BUB1: variants seen among roughly 807,000 people sequenced by gnomAD.
BUB1 encodes BUB1 mitotic checkpoint serine/threonine kinase.
In BUB1, 84 loss-of-function variants were observed where a neutral mutation model predicts 135.2. That is an observed-to-expected ratio of 0.62 (90% CI 0.52 to 0.74). The LOEUF is 0.74. Ranked by LOEUF, BUB1 falls within the 30% of genes least tolerant of loss-of-function variation. The pLI is 0.00. For missense variants in BUB1, 1,162 were observed against 1,288.3 expected (o/e 0.90, Z 1.50); for synonymous variants, 403 against 434.4 (o/e 0.93, Z 0.90).
chr2:110,650,551 G>C lies in BUB1; in HGVS notation c.2198C>G (p.Ala733Gly), dbSNP rs771803937. The change falls in exon 18 of 25, where the codon GCT becomes GGT. Residue 733 changes from alanine to glycine, a missense_variant. Ala to Gly is a moderately conservative substitution (Grantham distance 60). Transcript: ENST00000302759. ...MQMSSLGTVDAPNFIVGNPWD... is the reference protein window; with the variant it reads ...MQMSSLGTVDGPNFIVGNPWD... ...CAAAGAGTGAGTGTTCGTACTTGGA[G>C]CATCAACAGTCCCAAGTGAACTCAT... 3.1e-6 allele frequency: 5 copies of C among 1,612,734 alleles called. No individual in the cohort carries two copies. In the Middle Eastern group the frequency reaches 8.3e-4, roughly 266 times the overall value.
rs1690360247 is a variant in BUB1 at position 110,669,539 on chromosome 2, G to A, written c.481C>T (p.Pro161Ser). 6.2e-7 allele frequency: 1 copy of A among 1,603,768 alleles called. No homozygotes were observed. The highest frequency in any genetic ancestry group is 1.3e-5 in the African/African-American group (1 of 74,670). The change falls in exon 6 of 25, where the codon CCT (proline) becomes TCT (serine). Residue 161 changes from proline to serine, a missense_variant. Coordinates refer to ENST00000302759, the MANE Select transcript of BUB1 (RefSeq NM_004336.5). ...TTTAAAACCTGAACATTATGCAGAG[G>A]TTCTGAGGTTCTAGCTATGAGGGAA... ...HLPAQARTSEPLHNVQVLNQM... is the reference protein window; with the variant it reads ...HLPAQARTSESLHNVQVLNQM...
At chr2:110,672,231 A>T (rs1385748167) in intron 4 of BUB1, among the ~76,000 whole-genome samples, 1 of 152,176 alleles carries the variant, frequency 6.6e-6, no homozygotes, top group Non-Finnish European at 1.5e-5. Context: ...CATCTCAAAA[A>T]AAAAAAGTAT....
chr2:110,641,313 C>G lies in BUB1; in HGVS notation c.2777G>C (p.Gly926Ala). Residue 926 changes from glycine (G) to alanine (A), a missense_variant, in exon 22 of 25, where the codon GGA (glycine) becomes GCA (alanine). By Grantham distance (60) the Gly-to-Ala change is moderately conservative. Transcript: ENST00000302759. ...GDIKPDNFILGNGFLEQDDED... is the reference protein window; with the variant it reads ...GDIKPDNFILANGFLEQDDED... Reference sequence around the variant, plus strand: ...TTAAAAGCATAACACTTGCCCGTTTCCAAGTATGAAATTGTCTGGTTTAAT... The same window carrying G: ...TTAAAAGCATAACACTTGCCCGTTTGCAAGTATGAAATTGTCTGGTTTAAT... 6.2e-7 allele frequency: 1 copy of G among 1,605,780 alleles called. No individual in the cohort carries two copies. The highest frequency in any genetic ancestry group is 8.5e-7 in the Non-Finnish European group (1 of 1,175,826).
rs753231655 is a variant in BUB1 at position 110,658,647 on chromosome 2, G to A, written c.1372C>T (p.Pro458Ser). Reference protein sequence around the residue: ...MVQATPSKVQPSPTVHTKEAL... With the variant: ...MVQATPSKVQSSPTVHTKEAL... ...TCTTTTGTGTGCACGGTGGGTGATG[G>A]CTGCACTTTGGATGGCGTTGCCTGA... Residue 458 changes from proline to serine, a missense_variant, in exon 12 of 25, where the codon CCA becomes TCA. Physicochemically the swap from Pro to Ser is moderately conservative, Grantham distance 74. Coordinates refer to ENST00000302759, the MANE Select transcript of BUB1 (RefSeq NM_004336.5). 2 of 1,614,184 alleles carry A rather than the reference G, an allele frequency of 1.2e-6. No homozygotes were observed. The highest frequency in any genetic ancestry group is 1.7e-6 in the Non-Finnish European group (2 of 1,180,026).
Position 110,644,082 on chromosome 2 carries a change from T to C in BUB1, c.2348-1848A>G, listed in dbSNP as rs183568094. ...GCAAAAAAAAAAAAAAAAAAAAAAA[T>C]AGAAAGAAATAGATAGAATAGAGTA... On this transcript the variant is annotated intron_variant, in intron 19 of 24. Transcript: ENST00000302759. Among the ~76,000 whole-genome samples, 44 of 54,342 alleles carry C rather than the reference T, an allele frequency of 8.1e-4. No individual in the cohort carries two copies. The East Asian group carries it at 0.017, about 21-fold the overall frequency. The allele number at this position is 54,342 out of a possible 152,430, so 35.7% of individuals were successfully genotyped here.
In BUB1 at chr2:110,641,815, G is replaced by A; in HGVS notation, c.2464-12C>T. 6.3e-7 allele frequency: 1 copy of A among 1,598,906 alleles called. No homozygotes were observed. The highest frequency in any genetic ancestry group is 8.5e-7 in the Non-Finnish European group (1 of 1,178,440). ...GCAGGCTTTTGGACCTGCAAATCAG[G>A]TATGTGAAATTCATATCCAATCTCG... On this transcript the variant is annotated splice_polypyrimidine_tract_variant and intron_variant, in intron 20 of 24. Transcript: ENST00000302759.
intron 4 of BUB1, among the ~76,000 whole-genome samples, chr2:110,671,177 G>A (rs932981841): frequency 5.3e-5 from 8 of 152,120 alleles, no homozygotes; most frequent in Non-Finnish European, 8.8e-5. Flanking sequence ...CAAACCAATG[G>A]TTAAGAAGCC....
chr2:110,676,416 C>G (rs1056029270), intron 1 of BUB1: 2 of 152,214 alleles, frequency 1.3e-5, no homozygotes, highest in Admixed American at 6.5e-5. Context: ...GGCATGTGCT[C>G]AATTCCTGCC....
At chr2:110,649,170 C>CAA in intron 19 of BUB1, 64 bp downstream of exon 19, 1 of 1,508,722 alleles carries the variant, frequency 6.6e-7, no homozygotes. Context: ...CACACACACA[C>CAA]GTTACCATCA....
At chr2:110,661,948 CCT>C (rs1436112361) in intron 9 of BUB1, 107 bp from the exon 10 acceptor site, 1 of 1,364,138 alleles carries the variant, frequency 7.3e-7, no homozygotes, top group East Asian at 2.3e-5. Context: ...TCAATGGATT[CCT>C]TTTTCCTTGA....
At chr2:110,672,892 A>C in intron 3 of BUB1, 35 bp from the exon 4 acceptor site, 1 of 1,519,450 alleles carries the variant, frequency 6.6e-7, no homozygotes, top group Non-Finnish European at 8.8e-7. Flanking sequence ...CATAAGAATA[A>C]TGGAACTGCT....
In BUB1 at chr2:110,660,030, C is replaced by T. The variant is rs1348830001; in HGVS notation, c.1224G>A (p.Val408=). The change falls in exon 11 of 25, where the codon GTG becomes GTA. Residue 408 remains valine (V), a synonymous_variant. Transcript: ENST00000302759. Reference sequence around the variant, plus strand: ...GCTTGAATTCATGAGTACTCTTATTCACACATCTGGAAGAGAAAACTCTTG... The same window carrying T: ...GCTTGAATTCATGAGTACTCTTATTTACACATCTGGAAGAGAAAACTCTTG... ...FAVASKDAGC[V]NKSTHEFKPQ... The T allele has an allele frequency of 3.1e-6, 5 of 1,611,030 alleles. No individual in the cohort carries two copies. Among genetic ancestry groups the T allele is most frequent in the Non-Finnish European group, 4.2e-6 (5 of 1,177,822 alleles).
intron 9 of BUB1, 77 bp from the exon 10 acceptor site, chr2:110,661,918 T>C: frequency 6.6e-7 from 1 of 1,517,140 alleles, no homozygotes; most frequent in South Asian, 1.3e-5. Flanking sequence ...TTACATCTTC[T>C]CAAAGCATGG....
At chr2:110,643,983 A>G (rs564287528) in intron 19 of BUB1, among the ~76,000 whole-genome samples, 3 of 151,628 alleles carry the variant, frequency 2.0e-5, no homozygotes, top group African/African-American at 7.3e-5. Context: ...TTGACTCACC[A>G]ATAGACTATA....
chr2:110,645,950 T>A (rs1399815635), intron 19 of BUB1, among the ~76,000 whole-genome samples: 1 of 151,740 alleles, frequency 6.6e-6, no homozygotes, highest in Non-Finnish European at 1.5e-5. Flanking sequence ...AATATGTGAG[T>A]CAAAAGTTAC....
chr2:110,663,252 C>G (rs2104545663), intron 9 of BUB1, among the ~76,000 whole-genome samples: 1 of 152,154 alleles, frequency 6.6e-6, no homozygotes, highest in Admixed American at 6.5e-5. Context: ...TGCACTCCAG[C>G]CTGGGCGATA....
intron 15 of BUB1, 75 bp downstream of exon 15, chr2:110,656,957 TCTGA>T (rs1471842210): frequency 1.2e-5 from 13 of 1,045,256 alleles, no homozygotes; most frequent in Non-Finnish European, 1.8e-5. Context: ...CACAATATCC[TCTGA>T]CTGGCATAAT....
intron 9 of BUB1, among the ~76,000 whole-genome samples, chr2:110,662,715 T>A (rs1293330186): frequency 6.6e-6 from 1 of 152,144 alleles, no homozygotes; most frequent in Non-Finnish European, 1.5e-5. Context: ...GGTGGGAGGA[T>A]CACTTGAGCC....
intron 18 of BUB1, 93 bp downstream of exon 18, chr2:110,650,453 C>A (rs972249054): frequency 6.0e-6 from 7 of 1,173,070 alleles, no homozygotes; most frequent in African/African-American, 1.5e-5. Context: ...TACTCAGTGA[C>A]ATTCAAGTCC....
Sources: gnomAD v4.1 joint callset for allele counts (sites outside exome capture counted in the v4.1 genomes callset) on GRCh38, gnomAD v4.1.1 for gene constraint, MANE v1.5 for transcripts, NCBI Gene and HGNC (gene_info 2026-07-23, HGNC 2026-07-21) for gene names.